Variants in TEX11 observed in about 807,000 individuals in gnomAD.
TEX11 encodes the protein testis-expressed protein 11.
A neutral mutation model predicts 84.4 loss-of-function variants in TEX11; 7 were observed. The ratio of observed to expected loss-of-function variants is 0.08; its 90% CI spans 0.05 to 0.16. The LOEUF (loss-of-function observed/expected upper bound fraction) is 0.16. Ranked by LOEUF, TEX11 falls within the 10% of genes least tolerant of loss-of-function variation. The probability of loss-of-function intolerance (pLI) is 1.00; values close to 1 mark genes in which losing one functional copy is unlikely to be tolerated. For synonymous variants in TEX11, 264 were observed against 222.8 expected, an observed-to-expected ratio of 1.18 and a Z score of -1.64; for missense variants, 551 against 660.5, an observed-to-expected ratio of 0.83 and a Z score of 1.82.
At position 70,765,868 on chromosome X, in the gene TEX11, G is replaced by A. The variant is rs182955115; in HGVS notation, c.693-21649C>T. Among the ~76,000 whole-genome samples the A allele has an allele frequency of 3.6e-5, 4 of 112,142 alleles. No homozygotes were observed. The Admixed American group carries it at 3.8e-4, about 11-fold the overall frequency. ...TATCTTTGCTTGCAGAAGATATAAT[G>A]TCACATTTGGAAAAACCTAAAGACT... On this transcript the variant is annotated intron_variant, in intron 9 of 29. Transcript: ENST00000374333.
intron 24 of TEX11, among the ~76,000 whole-genome samples, chrX:70,592,663 T>A (rs914469193): frequency 9.0e-6 from 1 of 111,314 alleles, no homozygotes; most frequent in Non-Finnish European, 1.9e-5. Flanking sequence ...TATCAGGGAC[T>A]ACAACTCTTG....
chrX:70,710,846 G>C (rs1232725932), intron 13 of TEX11, among the ~76,000 whole-genome samples: 1 of 110,881 alleles, frequency 9.0e-6, no homozygotes, highest in Non-Finnish European at 1.9e-5. Context: ...GTGCAGGTTT[G>C]TTACATATGT....
intron 3 of TEX11, among the ~76,000 whole-genome samples, chrX:70,873,869 T>C (rs1164901869): frequency 8.9e-6 from 1 of 111,871 alleles, no homozygotes; most frequent in Non-Finnish European, 1.9e-5. Context: ...TTTAAACAGA[T>C]GATTTATTTA....
At chrX:70,833,745 T>C (rs1449977481) in intron 7 of TEX11, 152 bp from the exon 8 acceptor site, 1 of 449,013 alleles carries the variant, frequency 2.2e-6, no homozygotes, top group African/African-American at 2.5e-5. Flanking sequence ...AACAGATAGC[T>C]TGCTCAAAAT....
chrX:70,748,520 G>C (rs2090785301), intron 9 of TEX11, among the ~76,000 whole-genome samples: 2 of 111,557 alleles, frequency 1.8e-5, no homozygotes, highest in Non-Finnish European at 3.8e-5. Flanking sequence ...GAATGGTAAT[G>C]CCTAGGTTTT....
chrX:70,904,105 C>A (rs1321194086), intron 2 of TEX11, among the ~76,000 whole-genome samples: 6 of 108,380 alleles, frequency 5.5e-5, no homozygotes, highest in Non-Finnish European at 1.1e-4. Flanking sequence ...CAGGCGTGAG[C>A]CACCAGGCCT....
chrX:70,863,919 G>A (rs1372203931), intron 4 of TEX11, among the ~76,000 whole-genome samples: 2 of 111,783 alleles, frequency 1.8e-5, no homozygotes, highest in Non-Finnish European at 3.8e-5. Context: ...GGAGAACTTC[G>A]TGAAGCATAC....
At chrX:70,831,542 T>C (rs1168609624) in intron 8 of TEX11, among the ~76,000 whole-genome samples, 1 of 110,989 alleles carries the variant, frequency 9.0e-6, no homozygotes, top group Non-Finnish European at 1.9e-5. Flanking sequence ...GGTGGGAGGA[T>C]CACTTTAGCC....
intron 25 of TEX11, among the ~76,000 whole-genome samples, chrX:70,560,547 A>G (rs1019481346): frequency 1.9e-4 from 21 of 111,217 alleles, no homozygotes; most frequent in Admixed American, 1.1e-3. Flanking sequence ...AAGCTTATGT[A>G]TTGGCATATC....
chrX:70,860,505 T>A (rs963651923), intron 5 of TEX11, among the ~76,000 whole-genome samples: 2 of 111,589 alleles, frequency 1.8e-5, no homozygotes, highest in Non-Finnish European at 3.8e-5. Context: ...ATTTACTTAG[T>A]GCTTCAAATT....
chrX:70,673,458 C>A (rs1035700966), intron 15 of TEX11: 2 of 111,763 alleles, frequency 1.8e-5, no homozygotes, highest in Non-Finnish European at 3.8e-5. Flanking sequence ...TTCTTAACAT[C>A]CTTGTCTTTA....
At chrX:70,553,209 A>G (rs2088241281) in intron 27 of TEX11, 97 bp downstream of exon 27, 8 of 487,505 alleles carry the variant, frequency 1.6e-5, no homozygotes, top group Admixed American at 4.2e-5. Context: ...TCCCCATATC[A>G]TCTTTAAAGT....
intron 8 of TEX11, among the ~76,000 whole-genome samples, chrX:70,817,597 C>T (rs1178888847): frequency 7.3e-5 from 8 of 110,232 alleles, no homozygotes; most frequent in Non-Finnish European, 1.3e-4. Context: ...GGCAGGAGAA[C>T]CCCTTGAACC....
At chrX:70,678,094 G>A (rs368984986) in intron 15 of TEX11, among the ~76,000 whole-genome samples, 205 of 111,126 alleles carry the variant, frequency 1.8e-3, no homozygotes, top group African/African-American at 4.6e-3. Context: ...TTACAGGCGT[G>A]AGCCACCACG....
At chrX:70,518,091 T>G in the TEX11 span, among the ~76,000 whole-genome samples, 1 of 111,144 alleles carries the variant, frequency 9.0e-6, no homozygotes, top group African/African-American at 3.3e-5. Flanking sequence ...GACTTATTGA[T>G]TTTTTGAAGG....
chrX:70,667,226 A>G (rs776665903), intron 16 of TEX11, among the ~76,000 whole-genome samples: 1 of 112,384 alleles, frequency 8.9e-6, no homozygotes, highest in East Asian at 2.8e-4. Flanking sequence ...TTCAAGGCAC[A>G]ACAACAGAGT....
At chrX:70,717,265 A>T (rs1423657045) in intron 13 of TEX11, among the ~76,000 whole-genome samples, 1 of 111,090 alleles carries the variant, frequency 9.0e-6, no homozygotes, top group African/African-American at 3.3e-5. Context: ...ATCATCAGAA[A>T]ACTAGGTCTG....
intron 13 of TEX11, among the ~76,000 whole-genome samples, chrX:70,701,406 TG>T (rs1388427973): frequency 1.8e-5 from 2 of 112,122 alleles, no homozygotes; most frequent in Non-Finnish European, 3.8e-5. Context: ...CAACAAAGCC[TG>T]GATGATAGCA....
Position 70,749,593 on chromosome X carries a change from C to T in TEX11, c.693-5374G>A, listed in dbSNP as rs770074066. Among the ~76,000 whole-genome samples, 357 of 100,994 alleles carry T rather than the reference C, an allele frequency of 3.5e-3. 1 individual carries two copies. The highest frequency in any genetic ancestry group is 5.2e-3 in the Non-Finnish European group (260 of 49,954). The allele number at this position is 100,994 out of a possible 115,157, so 87.7% of individuals were successfully genotyped here. On this transcript the variant is annotated intron_variant, in intron 9 of 29. Transcript: ENST00000374333. ...TAGCTCTTATTATTTTGAAATACGT[C>T]CCATCAATACCTAATTTATTGAGAG...
Sources: gnomAD v4.1 joint callset for allele counts (sites outside exome capture counted in the v4.1 genomes callset) on GRCh38, gnomAD v4.1.1 for gene constraint, MANE v1.5 for transcripts, NCBI Gene and HGNC (gene_info 2026-07-23, HGNC 2026-07-21) for gene names.